Variants in MYO7B observed in about 807,000 individuals in gnomAD.
MYO7B encodes the protein unconventional myosin-VIIb.
Under a neutral mutation model 259.7 loss-of-function variants are expected in MYO7B, and 212 were observed. The observed-to-expected ratio is 0.82, with a 90% CI of 0.73 to 0.91. The LOEUF is 0.91. Among genes scored for constraint, MYO7B ranks in the 40% least tolerant of loss-of-function variants. The probability of loss-of-function intolerance (pLI) is 0.00; values close to 1 mark genes in which losing one functional copy is unlikely to be tolerated. For synonymous variants in MYO7B, 1,197 were observed against 1,166.4 expected (o/e 1.03, Z -0.54); for missense variants, 2,732 against 2,813.5 (o/e 0.97, Z 0.66).
In MYO7B at chr2:127,608,769, G is replaced by A. The variant is rs373870541; in HGVS notation, c.2705G>A (p.Arg902His). The change falls in exon 22 of 48, where the codon CGC (arginine) becomes CAC (histidine). Residue 902 changes from arginine to histidine, a missense_variant. Transcript: ENST00000409816. Reference sequence around the variant, plus strand: ...CAAGGCGCTCTCCCTGCCAAGAAGCGCAGATCCATCTACGACACCGTCACT... The same window carrying A: ...CAAGGCGCTCTCCCTGCCAAGAAGCACAGATCCATCTACGACACCGTCACT... ...KSQGALPAKK[R>H]RSIYDTVTDT... is the part of the protein sequence containing the mutation. 34 of 1,613,448 alleles carry A rather than the reference G, an allele frequency of 2.1e-5. No individual in the cohort carries two copies. The highest frequency in any genetic ancestry group is 1.6e-4 in the Middle Eastern group (1 of 6,084).
chr2:127,586,966 CT>C lies in MYO7B; in HGVS notation c.1691-1425del, dbSNP rs1358721632. On this transcript the variant is annotated intron_variant, in intron 14 of 47. Coordinates refer to ENST00000409816, the MANE Select transcript of MYO7B (RefSeq NM_001393586.1). The surrounding 1 kb of genome is among the most constrained non-coding windows in gnomAD (Gnocchi z 4.8). ...CTGCCCAGCACCCAGTGCAGCCCCC[CT>C]GGTGCTGCTCCCCTCACAGACACCT... Among the ~76,000 whole-genome samples the C allele has an allele frequency of 1.3e-5, 2 of 152,036 alleles. No individual in the cohort carries two copies. Among genetic ancestry groups the C allele is most frequent in the African/African-American group, 2.4e-5 (1 of 41,398 alleles).
chr2:127,569,207 CAAAAA>C (rs35076829), intron 5 of MYO7B, among the ~76,000 whole-genome samples: 1 of 77,446 alleles, frequency 1.3e-5, no homozygotes, highest in Admixed American at 1.6e-4. Context: ...GACTCCGTCT[CAAAAA>C]AAAAAAAAAA....
At chr2:127,621,911 A>G in intron 27 of MYO7B, 71 bp from the exon 28 acceptor site, 2 of 1,547,668 alleles carry the variant, frequency 1.3e-6, no homozygotes, top group Non-Finnish European at 1.7e-6. Context: ...TCTTAAGTCC[A>G]CCTGGGTGGT....
intron 2 of MYO7B, among the ~76,000 whole-genome samples, chr2:127,561,101 A>G (rs1226269582): frequency 2.6e-5 from 4 of 152,150 alleles, no homozygotes; most frequent in Non-Finnish European, 5.9e-5. Flanking sequence ...AAAGCCAAAC[A>G]TTTCACAAAG....
chr2:127,593,795 C>CT (rs1479991222), intron 18 of MYO7B, among the ~76,000 whole-genome samples, 151 bp downstream of exon 18: 3 of 152,210 alleles, frequency 2.0e-5, no homozygotes, highest in Non-Finnish European at 4.4e-5. Flanking sequence ...TCAGGGCACC[C>CT]CTGGATGTAG....
Position 127,625,230 on chromosome 2 carries a change from G to T in MYO7B, c.4048-138G>T, listed in dbSNP as rs113040452. On this transcript the variant is annotated intron_variant, in intron 30 of 47. Transcript: ENST00000409816. ...GTGGCCCAGTCAGGGCATGCAGGGA[G>T]GGGGAAGGTCCTGCCCGAGCCACAG... is the stretch of plus-strand genomic sequence containing the variant. 3.0e-5 allele frequency: 30 copies of T among 1,008,396 alleles called. No individual in the cohort carries two copies. In the Admixed American group the frequency reaches 3.1e-4, roughly 10 times the overall value. 62.5% of individuals were successfully genotyped at this position (1,008,396 alleles called of 1,614,324 possible).
intron 1 of MYO7B, among the ~76,000 whole-genome samples, chr2:127,556,154 C>T (rs970278717): frequency 2.9e-4 from 44 of 152,140 alleles, no homozygotes; most frequent in Admixed American, 6.5e-5. Context: ...TATAATATCC[C>T]TCTTTGTCTT....
rs1573695625 is a variant in MYO7B at position 127,615,441 on chromosome 2, T to A, written c.3398+2838T>A. On this transcript the variant is annotated intron_variant, in intron 26 of 47. Transcript: ENST00000409816. This position sits in a 1 kb window ranked among gnomAD's most constrained non-coding sequence, Gnocchi z 4.4. Reference sequence around the variant, plus strand: ...GGGGAAGAAGAAAAGGGCTCCCTACTCCTAGTGAGCAAAGACAGCCCCCGC... The same window carrying A: ...GGGGAAGAAGAAAAGGGCTCCCTACACCTAGTGAGCAAAGACAGCCCCCGC... Among the ~76,000 whole-genome samples the A allele has an allele frequency of 1.3e-5, 2 of 152,138 alleles. No homozygotes were observed. The highest frequency in any genetic ancestry group is 4.8e-5 in the African/African-American group (2 of 41,428).
Position 127,614,877 on chromosome 2 carries a change from G to A in MYO7B, c.3398+2274G>A, listed in dbSNP as rs1680511761. ...CTACAAGAATGTGTCTCTTTAGAAC[G>A]TCGGATATGAGCATCCATTTGTCCT... On this transcript the variant is annotated intron_variant, in intron 26 of 47. Transcript: ENST00000409816. This position sits in a 1 kb window ranked among gnomAD's most constrained non-coding sequence, Gnocchi z 4.6. 6.6e-6 allele frequency among the ~76,000 whole-genome samples: 1 copy of A among 152,200 alleles called. No individual in the cohort carries two copies. The highest frequency in any genetic ancestry group is 1.5e-5 in the Non-Finnish European group (1 of 68,036).
At position 127,627,066 on chromosome 2, in the gene MYO7B, G is replaced by T. The variant is rs755926990; in HGVS notation, c.4307G>T (p.Arg1436Leu). The T allele has an allele frequency of 4.3e-6, 7 of 1,611,266 alleles. No homozygotes were observed. The highest frequency in any genetic ancestry group is 5.9e-6 in the Non-Finnish European group (7 of 1,179,236). The change falls in exon 32 of 48, where the codon CGG becomes CTG. Residue 1436 changes from arginine (R) to leucine (L), a missense_variant. Physicochemically the swap from Arg to Leu is moderately radical, Grantham distance 102 (BLOSUM62 -2). Transcript: ENST00000409816. This position sits in a 1 kb window ranked among gnomAD's most constrained non-coding sequence, Gnocchi z 5.6. ...ARLQWPLLFS[R>L]LFEVITLSGP... ...CTGCAGTGGCCGCTGCTCTTCTCCC[G>T]GCTCTTCGAAGTCATCACACTCTCA...
Position 127,576,096 on chromosome 2 carries a change from G to A in MYO7B, c.736-499G>A, listed in dbSNP as rs1678855054. Among the ~76,000 whole-genome samples, 1 of 152,124 alleles carries A rather than the reference G, an allele frequency of 6.6e-6. No individual in the cohort carries two copies. The highest frequency in any genetic ancestry group is 6.6e-5 in the Admixed American group (1 of 15,262). ...TGCCTGTGATCTTAGCTACTTGGTA[G>A]GCTGAGGTGGGAGGATGGCTTGAAT... On this transcript the variant is annotated intron_variant, in intron 7 of 47. Transcript: ENST00000409816. This position sits in a 1 kb window ranked among gnomAD's most constrained non-coding sequence, Gnocchi z 4.9.
At chr2:127,604,576 C>A (rs1170659397) in intron 19 of MYO7B, among the ~76,000 whole-genome samples, 2 of 152,214 alleles carry the variant, frequency 1.3e-5, no homozygotes, top group Non-Finnish European at 2.9e-5. Flanking sequence ...AGAGACCTAG[C>A]TTTTGGCCTG....
At position 127,583,910 on chromosome 2, in the gene MYO7B, G is replaced by T. The variant is rs80141995; in HGVS notation, c.1344-212G>T. Among the ~76,000 whole-genome samples, 619 of 152,246 alleles carry T rather than the reference G, an allele frequency of 4.1e-3. 13 individuals carry two copies. Among genetic ancestry groups the T allele is most frequent in the East Asian group, 0.034 (175 of 5,164 alleles). On this transcript the variant is annotated intron_variant, in intron 12 of 47. Transcript: ENST00000409816. ...CTCCTCGTTTCTTTGTCTTTTTGAC[G>T]TGGGGTGGAGAAGGTGACAGTGATG...
intron 1 of MYO7B, among the ~76,000 whole-genome samples, chr2:127,548,676 A>G (rs1354420184): frequency 6.6e-6 from 1 of 152,030 alleles, no homozygotes; most frequent in African/African-American, 2.4e-5. Context: ...GGCCTCCCAA[A>G]GTGCTGGGGT....
rs201376272 is a variant in MYO7B, at chr2:127,631,320, C to T, written c.5052C>T (p.His1684=). ...PLRQPLLKRV[H]ANVDLWDIAC... ...GACAGCCGCTGCTCAAGCGAGTCCACGCCAACGTCGACCTCTGGGACATCG... is the reference window on the plus strand; with the variant it reads ...GACAGCCGCTGCTCAAGCGAGTCCATGCCAACGTCGACCTCTGGGACATCG... The change falls in exon 37 of 48, where the codon CAC becomes CAT. Residue 1684 remains histidine (H), a synonymous_variant. Transcript: ENST00000409816. The T allele has an allele frequency of 3.5e-5, 56 of 1,611,764 alleles. No homozygotes were observed. In the Admixed American group the frequency reaches 4.8e-4, roughly 14 times the overall value.
At position 127,624,026 on chromosome 2, in the gene MYO7B, G is replaced by A. The variant is rs556308929; in HGVS notation, c.3820-67G>A. 255 of 1,422,086 alleles carry A rather than the reference G, an allele frequency of 1.8e-4. 4 individuals carry two copies. Among genetic ancestry groups the A allele is most frequent in the Non-Finnish European group, 1.1e-4 (116 of 1,051,744 alleles). The allele number at this position is 1,422,086 out of a possible 1,614,324, so 88.1% of individuals were successfully genotyped here. A position where few individuals can be genotyped will look rare whatever the true frequency, so the allele number is the denominator to read the frequency against. On this transcript the variant is annotated intron_variant, in intron 29 of 47. Coordinates refer to ENST00000409816, the MANE Select transcript of MYO7B (RefSeq NM_001393586.1). The stretch of plus-strand genomic sequence containing the variant: ...CTGTCTTCTACGTGCACACGCTGAC[G>A]GTGGGCGTCCCCGTGGGGTGGGGCA...
At chr2:127,544,561 AC>A (rs1693139385) in intron 1 of MYO7B, among the ~76,000 whole-genome samples, 1 of 141,396 alleles carries the variant, frequency 7.1e-6, no homozygotes, top group Non-Finnish European at 1.5e-5. Flanking sequence ...GGGGTGTGCC[AC>A]CACGTCTGGC....
chr2:127,604,725 C>T lies in MYO7B; in HGVS notation c.2340-1119C>T, dbSNP rs543888289. ...TTATTAACTGGCCTAATTTTAGTAT[C>T]GCTGTGTCTCAGGGAACAGGGAAAC... On this transcript the variant is annotated intron_variant, in intron 19 of 47. Coordinates refer to ENST00000409816, the MANE Select transcript of MYO7B (RefSeq NM_001393586.1). 5.3e-5 allele frequency among the ~76,000 whole-genome samples: 8 copies of T among 152,188 alleles called. No homozygotes were observed. The South Asian group carries it at 1.7e-3, about 32-fold the overall frequency.
chr2:127,632,965 C>T lies in MYO7B; in HGVS notation c.5406-293C>T, dbSNP rs150060166. ...GCCCCTGCCCGATGCCCCTGTTGTG[C>T]GAGAATAAGAATACTGCCAGCCTTT... On this transcript the variant is annotated intron_variant, in intron 39 of 47. Transcript: ENST00000409816. Among the ~76,000 whole-genome samples, 471 of 152,314 alleles carry T rather than the reference C, an allele frequency of 3.1e-3. 1 individual carries two copies. Among genetic ancestry groups the T allele is most frequent in the African/African-American group, 0.01 (426 of 41,556 alleles).
Sources: allele counts gnomAD v4.1 joint callset (sites outside exome capture counted in the v4.1 genomes callset), GRCh38; gene constraint gnomAD v4.1.1; non-coding constraint Gnocchi (gnomAD v3.1); transcripts MANE v1.5; gene names NCBI Gene and HGNC (gene_info 2026-07-23, HGNC 2026-07-21).